PTPN20: variants seen among roughly 807,000 people sequenced by gnomAD.
The protein encoded by PTPN20 is tyrosine-protein phosphatase non-receptor type 20.
In PTPN20, 9 loss-of-function variants were observed where a neutral mutation model predicts 35.0. The observed-to-expected ratio is 0.26, with a 90% CI of 0.15 to 0.45. The LOEUF is 0.45. Ranked by LOEUF, PTPN20 falls within the 20% of genes least tolerant of loss-of-function variation. The probability of loss-of-function intolerance (pLI) is 1.00; values close to 1 mark genes in which losing one functional copy is unlikely to be tolerated. For synonymous variants in PTPN20, 32 were observed against 100.2 expected (o/e 0.32, Z 4.06); for missense variants, 111 against 312.5 (o/e 0.36, Z 4.86).
intron 1 of PTPN20, among the ~76,000 whole-genome samples, chr10:46,926,442 CA>C (rs1397661429): frequency 6.6e-6 from 1 of 151,708 alleles, no homozygotes; most frequent in Non-Finnish European, 1.5e-5. Context: ...CAACATTACA[CA>C]GTTCATTTTT....
Position 46,997,617 on chromosome 10 carries a change from TA to T in PTPN20, c.1135-2282del, listed in dbSNP as rs782678312. On this transcript the variant is annotated intron_variant, in intron 9 of 10. Coordinates refer to ENST00000374339, the MANE Select transcript of PTPN20 (RefSeq NM_001042357.5). Reference sequence around the variant, plus strand: ...TTTGTGAAAGACCCAATGAAGAGGATAAAAAAAAAAAAACAAGCTAGAGAGT... The same window carrying T: ...TTTGTGAAAGACCCAATGAAGAGGATAAAAAAAAAAAACAAGCTAGAGAGT... 5.5e-3 allele frequency among the ~76,000 whole-genome samples: 632 copies of T among 114,948 alleles called. 3 individuals are homozygous for T. The highest frequency in any genetic ancestry group is 0.015 in the Middle Eastern group (3 of 202). 75.4% of individuals were successfully genotyped at this position (114,948 alleles called of 152,430 possible).
At chr10:46,948,477 CCTAGAAATAGTCATG>C (rs1278996260) in intron 5 of PTPN20, among the ~76,000 whole-genome samples, 69 of 146,982 alleles carry the variant, frequency 4.7e-4, no homozygotes, top group Non-Finnish European at 7.9e-4. Context: ...AGAATTTATG[CCTAGAAATAGTCATG>C]CCTATTCCTC....
intron 7 of PTPN20, among the ~76,000 whole-genome samples, chr10:46,975,860 C>T (rs1365941863): frequency 1.3e-5 from 2 of 150,848 alleles, no homozygotes; most frequent in Admixed American, 6.6e-5. Flanking sequence ...GGGTTTTCTC[C>T]ATGTTGGTCA....
chr10:46,948,719 T>G (rs1194674276), intron 5 of PTPN20, among the ~76,000 whole-genome samples: 1 of 152,036 alleles, frequency 6.6e-6, no homozygotes, highest in East Asian at 1.9e-4. Flanking sequence ...TTCCTTCTCC[T>G]GCCTATCTTC....
intron 5 of PTPN20, among the ~76,000 whole-genome samples, chr10:46,947,202 A>G (rs1194324581): frequency 2.3e-5 from 3 of 128,452 alleles, no homozygotes; most frequent in African/African-American, 9.1e-5. Context: ...CTTAACATAT[A>G]TGTGTATGTG....
intron 10 of PTPN20, 117 bp from the exon 11 acceptor site, chr10:47,000,559 G>T: frequency 8.6e-7 from 1 of 1,160,940 alleles, no homozygotes; most frequent in Admixed American, 2.0e-5. Flanking sequence ...ATAGTTAAAT[G>T]TTTGCTCTTT....
At chr10:46,966,371 A>G (rs1253110143) in intron 6 of PTPN20, among the ~76,000 whole-genome samples, 1 of 152,230 alleles carries the variant, frequency 6.6e-6, no homozygotes, top group East Asian at 1.9e-4. Flanking sequence ...GTGGTCAAAT[A>G]TGGCAATCTT....
chr10:46,948,394 CA>C (rs1435743086), intron 5 of PTPN20, among the ~76,000 whole-genome samples: 1 of 148,406 alleles, frequency 6.7e-6, no homozygotes, highest in African/African-American at 2.5e-5. Flanking sequence ...GCAGCTGCTG[CA>C]GCTTCATTAT....
chr10:46,992,121 ATTTTT>A (rs1180103188), intron 9 of PTPN20, among the ~76,000 whole-genome samples: 1 of 130,690 alleles, frequency 7.7e-6, no homozygotes, highest in Admixed American at 7.7e-5. Context: ...TTCATTTTCA[ATTTTT>A]TTTTTTTTTT....
At chr10:46,995,058 A>G (rs1423574916) in intron 9 of PTPN20, among the ~76,000 whole-genome samples, 4 of 152,146 alleles carry the variant, frequency 2.6e-5, no homozygotes, top group Non-Finnish European at 5.9e-5. Flanking sequence ...CCTCAAAGCT[A>G]TTAATACTAG....
At position 46,938,910 on chromosome 10, in the gene PTPN20, A is replaced by C. The variant is rs1158673794; in HGVS notation, c.35-1713A>C. Among the ~76,000 whole-genome samples, 16 of 145,546 alleles carry C rather than the reference A, an allele frequency of 1.1e-4. No homozygotes were observed. The South Asian group carries it at 3.2e-3, about 29-fold the overall frequency. ...AGTAAATCTCTCATAAGCATAAATG[A>C]AAGTCAATTGTAGGTTGTTTTACTT... On this transcript the variant is annotated intron_variant, in intron 2 of 10. Coordinates refer to ENST00000374339, the MANE Select transcript of PTPN20 (RefSeq NM_001042357.5).
chr10:46,929,237 A>C (rs1279380548), intron 1 of PTPN20, among the ~76,000 whole-genome samples: 1 of 117,754 alleles, frequency 8.5e-6, no homozygotes, highest in Admixed American at 8.9e-5. Context: ...TTTTTCTTTT[A>C]TTTATGATTA....
chr10:46,929,367 A>G lies in PTPN20; in HGVS notation c.-123-3010A>G, dbSNP rs1404631764. ...TATCAGGGCTAATTCTCTATTTTCT[A>G]TACTATTGCACCTTCCCCAGGAGTT... On this transcript the variant is annotated intron_variant, in intron 1 of 10. Coordinates refer to ENST00000374339, the MANE Select transcript of PTPN20 (RefSeq NM_001042357.5). 1.5e-4 allele frequency among the ~76,000 whole-genome samples: 22 copies of G among 148,506 alleles called. 1 individual carries two copies. The highest frequency in any genetic ancestry group is 4.8e-4 in the African/African-American group (19 of 39,216).
chr10:47,002,705 T>G (rs2060126169), downstream of PTPN20, among the ~76,000 whole-genome samples: 1 of 151,904 alleles, frequency 6.6e-6, no homozygotes, highest in African/African-American at 2.4e-5. Flanking sequence ...AACTTTCAAT[T>G]TTAAATACAT....
At chr10:46,948,308 A>G (rs1477069224) in intron 5 of PTPN20, among the ~76,000 whole-genome samples, 2 of 150,952 alleles carry the variant, frequency 1.3e-5, no homozygotes, top group Non-Finnish European at 2.9e-5. Context: ...TCCCTGGTGG[A>G]TAACTCTGAC....
chr10:46,995,681 A>C (rs1331708794), intron 9 of PTPN20, among the ~76,000 whole-genome samples: 17 of 152,140 alleles, frequency 1.1e-4, no homozygotes. Flanking sequence ...TTCTTTCTTC[A>C]GGCACATGTA....
At chr10:46,941,046 A>G (rs1336959234) in intron 3 of PTPN20, among the ~76,000 whole-genome samples, 4 of 151,474 alleles carry the variant, frequency 2.6e-5, no homozygotes, top group African/African-American at 9.8e-5. Flanking sequence ...TTGAGACAGC[A>G]TGATTGGGTG....
chr10:46,964,650 C>G (rs1446299764), intron 5 of PTPN20, among the ~76,000 whole-genome samples: 1 of 143,928 alleles, frequency 6.9e-6, no homozygotes, highest in Non-Finnish European at 1.5e-5. Context: ...CTTTCCTAAT[C>G]CAAGCCTTGT....
intron 9 of PTPN20, among the ~76,000 whole-genome samples, chr10:46,998,116 C>T (rs2138024812): frequency 6.6e-6 from 1 of 152,284 alleles, no homozygotes; most frequent in South Asian, 2.1e-4. Context: ...AGCAATAGCA[C>T]TCTTGGGGCA....
Sources: gnomAD v4.1 joint callset for allele counts (sites outside exome capture counted in the v4.1 genomes callset) on GRCh38, gnomAD v4.1.1 for gene constraint, MANE v1.5 for transcripts, NCBI Gene and HGNC (gene_info 2026-07-23, HGNC 2026-07-21) for gene names.